The following TCAIM variants were observed in gnomAD, a reference collection of about 807,000 sequenced individuals.
TCAIM encodes T cell activation inhibitor, mitochondrial.
In TCAIM, 36 loss-of-function variants were observed where a neutral mutation model predicts 58.6. That is an observed-to-expected ratio of 0.61 (90% CI 0.47 to 0.81). TCAIM has a LOEUF of 0.81. Ranked by LOEUF, TCAIM falls within the 30% of genes least tolerant of loss-of-function variation. The pLI is 0.00. For missense variants in TCAIM, 466 were observed against 579.6 expected, an observed-to-expected ratio of 0.80 and a Z score of 2.01; for synonymous variants, 172 against 193.6, an observed-to-expected ratio of 0.89 and a Z score of 0.93.
intron 5 of TCAIM, among the ~76,000 whole-genome samples, chr3:44,384,383 A>G (rs1701701365): frequency 6.6e-6 from 1 of 152,216 alleles, no homozygotes; most frequent in Non-Finnish European, 1.5e-5. Context: ...TTTATAGTCA[A>G]ATTTCATGCT....
chr3:44,405,015 A>G (rs1702078406), intron 10 of TCAIM, among the ~76,000 whole-genome samples: 1 of 152,034 alleles, frequency 6.6e-6, no homozygotes, highest in Non-Finnish European at 1.5e-5. Flanking sequence ...AGTATGTACA[A>G]CCCACATGAC....
intron 1 of TCAIM, among the ~76,000 whole-genome samples, chr3:44,352,208 G>A (rs1166178594): frequency 6.6e-6 from 1 of 151,752 alleles, no homozygotes; most frequent in Non-Finnish European, 1.5e-5. Context: ...CCACAAGAAT[G>A]GAATAATGGA....
chr3:44,360,431 A>T (rs1701276386), intron 3 of TCAIM, among the ~76,000 whole-genome samples: 1 of 152,072 alleles, frequency 6.6e-6, no homozygotes, highest in Non-Finnish European at 1.5e-5. Context: ...AGTGATGCAC[A>T]GGATTTTTGG....
intron 1 of TCAIM, chr3:44,340,058 C>T (rs1298415006): frequency 6.6e-6 from 1 of 152,162 alleles, no homozygotes; most frequent in Non-Finnish European, 1.5e-5. Context: ...GGACAGGAAC[C>T]ACCTATGTAA....
intron 1 of TCAIM, among the ~76,000 whole-genome samples, chr3:44,345,616 G>T (rs1174906913): frequency 6.6e-6 from 1 of 152,170 alleles, no homozygotes; most frequent in South Asian, 2.1e-4. Context: ...GTTAAAGAAG[G>T]ATTAGAAACG....
intron 5 of TCAIM, among the ~76,000 whole-genome samples, chr3:44,371,295 C>T (rs571596372): frequency 2.0e-5 from 3 of 151,924 alleles, no homozygotes; most frequent in East Asian, 3.9e-4. Context: ...TGAGCTCAAG[C>T]GATCCCCCTG....
chr3:44,401,250 C>CA lies in TCAIM; in HGVS notation c.1168dup (p.Thr390AsnfsTer4). ...CATGAACTCGGGCATTTTAATATTCCAACACTCTGTGATCCAGCAAATCTC... is the reference window on the plus strand; with the variant it reads ...CATGAACTCGGGCATTTTAATATTCCAAACACTCTGTGATCCAGCAAATCTC... On this transcript the variant is annotated frameshift_variant, in exon 10 of 11. Coordinates refer to ENST00000342649, the MANE Select transcript of TCAIM (RefSeq NM_173826.4). LOFTEE classifies it high-confidence loss of function. 6.2e-7 allele frequency: 1 copy of CA among 1,613,910 alleles called. No individual in the cohort carries two copies. The highest frequency in any genetic ancestry group is 8.5e-7 in the Non-Finnish European group (1 of 1,179,966).
At chr3:44,346,941 G>A (rs1163924310) in intron 1 of TCAIM, among the ~76,000 whole-genome samples, 1 of 152,116 alleles carries the variant, frequency 6.6e-6, no homozygotes, top group Non-Finnish European at 1.5e-5. Flanking sequence ...ATGGAAAGGG[G>A]AGCAGGGAAA....
chr3:44,393,187 G>A (rs556823578), intron 6 of TCAIM, among the ~76,000 whole-genome samples: 5 of 152,254 alleles, frequency 3.3e-5, no homozygotes, highest in African/African-American at 1.2e-4. Flanking sequence ...GCTGTGCACA[G>A]TGGCTCTTGC....
chr3:44,401,209 A>G lies in TCAIM; in HGVS notation c.1125A>G (p.Arg375=), dbSNP rs1702016900. Residue 375 remains arginine (R), a synonymous_variant, in exon 10 of 11, where the codon AGA becomes AGG. Coordinates refer to ENST00000342649, the MANE Select transcript of TCAIM (RefSeq NM_173826.4). Reference sequence around the variant, plus strand: ...AATGTATATTTTATTGCAGTGACAGATATGCTCCAAGCTTGCATGAACTCG... The same window carrying G: ...AATGTATATTTTATTGCAGTGACAGGTATGCTCCAAGCTTGCATGAACTCG... ...RGLQMILNSD[R]YAPSLHELGH... 6.2e-7 allele frequency: 1 copy of G among 1,613,868 alleles called. No individual in the cohort carries two copies. Among genetic ancestry groups the G allele is most frequent in the Non-Finnish European group, 8.5e-7 (1 of 1,179,938 alleles).
At chr3:44,350,279 G>A (rs932790834) in intron 1 of TCAIM, among the ~76,000 whole-genome samples, 3 of 152,114 alleles carry the variant, frequency 2.0e-5, no homozygotes, top group Non-Finnish European at 4.4e-5. Context: ...GAAGTTTCAC[G>A]AGGTAATGTC....
chr3:44,373,413 C>G (rs961187189), intron 5 of TCAIM, among the ~76,000 whole-genome samples: 2 of 151,840 alleles, frequency 1.3e-5, no homozygotes, highest in African/African-American at 2.4e-5. Flanking sequence ...CGCCTATAAT[C>G]TCGGCACTTT....
chr3:44,402,625 T>C (rs1435901307), intron 10 of TCAIM, among the ~76,000 whole-genome samples: 1 of 152,110 alleles, frequency 6.6e-6, no homozygotes, highest in African/African-American at 2.4e-5. Flanking sequence ...ATCAATGCCA[T>C]TGATAGAAAG....
chr3:44,345,509 C>A (rs553725646), intron 1 of TCAIM, among the ~76,000 whole-genome samples: 1 of 152,242 alleles, frequency 6.6e-6, no homozygotes, highest in South Asian at 2.1e-4. Context: ...AAACAACACT[C>A]TTCGTTTAAT....
chr3:44,381,608 A>G (rs955326962), intron 5 of TCAIM, among the ~76,000 whole-genome samples: 1 of 152,170 alleles, frequency 6.6e-6, no homozygotes, highest in African/African-American at 2.4e-5. Flanking sequence ...ACTTCTATTC[A>G]TCATACTACT....
At chr3:44,357,298 A>T (rs1286672676) in intron 2 of TCAIM, among the ~76,000 whole-genome samples, 1 of 151,760 alleles carries the variant, frequency 6.6e-6, no homozygotes, top group Non-Finnish European at 1.5e-5. Flanking sequence ...ACCCCCGGAG[A>T]TCACACCGCT....
chr3:44,367,322 C>T lies in TCAIM; in HGVS notation c.320-134C>T. 4.0e-6 allele frequency: 4 copies of T among 998,186 alleles called. No homozygotes were observed. The South Asian group carries it at 9.4e-5, about 23-fold the overall frequency. 61.8% of individuals were successfully genotyped at this position (998,186 alleles called of 1,614,324 possible). A position where few individuals can be genotyped will look rare whatever the true frequency, so the allele number is the denominator to read the frequency against. ...AGTTTTAGAGAAGGGAAGTCATTTTCCATTTACAGGTGATTTGCTAATAGG... is the reference window on the plus strand; with the variant it reads ...AGTTTTAGAGAAGGGAAGTCATTTTTCATTTACAGGTGATTTGCTAATAGG... On this transcript the variant is annotated intron_variant, in intron 4 of 10. Coordinates refer to ENST00000342649, the MANE Select transcript of TCAIM (RefSeq NM_173826.4).
At chr3:44,386,302 C>A (rs947542267) in intron 5 of TCAIM, among the ~76,000 whole-genome samples, 8 of 152,070 alleles carry the variant, frequency 5.3e-5, no homozygotes, top group Non-Finnish European at 1.2e-4. Flanking sequence ...TTGCTTGAGC[C>A]CAGGAGTTCA....
chr3:44,355,177 T>G (rs1701167524), intron 2 of TCAIM, among the ~76,000 whole-genome samples: 1 of 152,108 alleles, frequency 6.6e-6, no homozygotes. Flanking sequence ...AAAGGGAAGG[T>G]TCTGGGGGAA....
Sources: gnomAD v4.1 joint callset for allele counts (sites outside exome capture counted in the v4.1 genomes callset) on GRCh38, gnomAD v4.1.1 for gene constraint, MANE v1.5 for transcripts, NCBI Gene and HGNC (gene_info 2026-07-23, HGNC 2026-07-21) for gene names.